The following SI variants were observed in gnomAD, a reference collection of about 807,000 sequenced individuals.
SI encodes the protein sucrase-isomaltase, also known as sucrase-isomaltase, intestinal.
SI carries 235 observed loss-of-function variants against 253.3 expected under a neutral mutation model. The observed-to-expected ratio is 0.93, with a 90% CI of 0.83 to 1.03. The LOEUF (loss-of-function observed/expected upper bound fraction) is 1.03, where lower values mean the gene tolerates loss of function less well. Among genes scored for constraint, SI ranks in the 50% least tolerant of loss-of-function variants. The pLI, the probability that SI is intolerant of heterozygous loss-of-function variation, is 0.00. For synonymous variants in SI, 819 were observed against 712.0 expected, an observed-to-expected ratio of 1.15 and a Z score of -2.39; for missense variants, 2,442 against 2,211.1, an observed-to-expected ratio of 1.10 and a Z score of -2.09.
intron 17 of SI, among the ~76,000 whole-genome samples, chr3:165,041,480 G>T (rs115056076): frequency 0.01 from 1,593 of 152,024 alleles, 27 homozygotes; most frequent in African/African-American, 0.036. Flanking sequence ...TCGATGTGGC[G>T]CTCAGTCATG....
At chr3:165,076,502 T>A (rs914262205) in intron 1 of SI, among the ~76,000 whole-genome samples, 3 of 151,756 alleles carry the variant, frequency 2.0e-5, no homozygotes, top group Non-Finnish European at 2.9e-5. Flanking sequence ...AACTTCAGTT[T>A]TTTTCTTGAA....
chr3:165,042,618 T>A (rs1712898107), intron 17 of SI, among the ~76,000 whole-genome samples: 1 of 152,126 alleles, frequency 6.6e-6, no homozygotes, highest in Admixed American at 6.6e-5. Flanking sequence ...GGACTCTAAT[T>A]GTTTTGTGAC....
chr3:165,026,908 A>G (rs1383402258), intron 25 of SI, among the ~76,000 whole-genome samples: 1 of 151,502 alleles, frequency 6.6e-6, no homozygotes, highest in Non-Finnish European at 1.5e-5. Context: ...TCACACTTCA[A>G]GGAACTAGAG....
chr3:165,050,107 G>A (rs533924810), intron 13 of SI, among the ~76,000 whole-genome samples: 50 of 152,138 alleles, frequency 3.3e-4, no homozygotes, highest in African/African-American at 1.1e-3. Context: ...CATGTGTCTA[G>A]TTTTGATTAT....
At chr3:164,996,325 A>G (rs1169429431) in intron 40 of SI, among the ~76,000 whole-genome samples, 1 of 151,692 alleles carries the variant, frequency 6.6e-6, no homozygotes, top group Non-Finnish European at 1.5e-5. Flanking sequence ...GCTTATTTAG[A>G]TATTGGCTCT....
At chr3:165,025,457 C>T (rs959856059) in intron 25 of SI, among the ~76,000 whole-genome samples, 2 of 151,084 alleles carry the variant, frequency 1.3e-5, no homozygotes, top group Non-Finnish European at 3.0e-5. Flanking sequence ...CTTCCCTGGC[C>T]TTGCTAGAGA....
rs190545285 is a variant in SI at position 164,982,798 on chromosome 3, C to G, written c.5247+204G>C. 2.6e-5 allele frequency among the ~76,000 whole-genome samples: 4 copies of G among 152,142 alleles called. 1 individual carries two copies. Among genetic ancestry groups the G allele is most frequent in the African/African-American group, 7.2e-5 (3 of 41,526 alleles). On this transcript the variant is annotated intron_variant, in intron 46 of 47. Transcript: ENST00000264382. Reference sequence around the variant, plus strand: ...TCAGCCTCCTATGCAGCTGGGACTACAGTTGCATGCCACCATAACTGGCTA... The same window carrying G: ...TCAGCCTCCTATGCAGCTGGGACTAGAGTTGCATGCCACCATAACTGGCTA...
the SI span, among the ~76,000 whole-genome samples, chr3:165,086,988 G>A: frequency 6.6e-6 from 1 of 152,104 alleles, no homozygotes; most frequent in Non-Finnish European, 1.5e-5. Flanking sequence ...ATATATGACT[G>A]CTACTGCAAG....
intron 37 of SI, among the ~76,000 whole-genome samples, chr3:165,000,323 T>C (rs569265181): frequency 1.3e-5 from 2 of 150,918 alleles, no homozygotes; most frequent in Non-Finnish European, 3.0e-5. Flanking sequence ...GGATTCTACA[T>C]AAAGTAGTTT....
At chr3:165,042,917 C>G in intron 17 of SI, 142 bp downstream of exon 17, 1 of 684,908 alleles carries the variant, frequency 1.5e-6, no homozygotes, top group Non-Finnish European at 2.6e-6. Flanking sequence ...ATGTATAGGA[C>G]TTGAGAGAGG....
At chr3:165,022,646 G>A (rs758238616) in intron 26 of SI, among the ~76,000 whole-genome samples, 5 of 149,442 alleles carry the variant, frequency 3.3e-5, no homozygotes, top group South Asian at 2.1e-4. Flanking sequence ...CTTTTGTGCC[G>A]TCTCGTTTCA....
chr3:165,019,856 T>C (rs1719224289), intron 27 of SI, 86 bp from the exon 28 acceptor site: 1 of 1,189,726 alleles, frequency 8.4e-7, no homozygotes, highest in Admixed American at 1.8e-5. Flanking sequence ...TTTCTTAGAT[T>C]ATCTAAAAAT....
intron 7 of SI, 31 bp from the exon 8 acceptor site, chr3:165,063,572 T>G: frequency 1.0e-6 from 1 of 955,660 alleles, no homozygotes; most frequent in Non-Finnish European, 1.7e-6. Flanking sequence ...AATACGATTT[T>G]CAAATATGTT....
Position 164,979,181 on chromosome 3 carries a change from A to G in SI, c.*181T>C. On this transcript the variant is annotated 3_prime_UTR_variant, in exon 48 of 48. Coordinates refer to ENST00000264382, the MANE Select transcript of SI (RefSeq NM_001041.4). ...TAAATATGCCTTAAAATTGAATCCA[A>G]GTCACATTACTATAATAAAATTAGC... 1.7e-6 allele frequency: 1 copy of G among 578,584 alleles called. No individual in the cohort carries two copies. The highest frequency in any genetic ancestry group is 3.1e-6 in the Non-Finnish European group (1 of 322,052). The allele number at this position is 578,584 out of a possible 1,614,324, so 35.8% of individuals were successfully genotyped here. A position where few individuals can be genotyped will look rare whatever the true frequency, so the allele number is the denominator to read the frequency against.
Position 165,023,690 on chromosome 3 carries a change from C to G in SI, c.2979G>C (p.Met993Ile). 1 of 1,610,670 alleles carries G rather than the reference C, an allele frequency of 6.2e-7. No individual in the cohort carries two copies. Among genetic ancestry groups the G allele is most frequent in the East Asian group, 2.2e-5 (1 of 44,666 alleles). Reference sequence around the variant, plus strand: ...TTAGTTGGAGGTCAGCTGTTATACCCATGGATGAATAGCGAGCTGAGTTGA... The same window carrying G: ...TTAGTTGGAGGTCAGCTGTTATACCGATGGATGAATAGCGAGCTGAGTTGA... The part of the protein sequence containing the change: ...YSVNSARYSS[M>I]GITADLQLNT... The change falls in exon 26 of 48, where the codon ATG (methionine) becomes ATC (isoleucine). Residue 993 changes from methionine (M) to isoleucine (I), a missense_variant. By Grantham distance (10) the Met-to-Ile change is conservative. Coordinates refer to ENST00000264382, the MANE Select transcript of SI (RefSeq NM_001041.4).
At chr3:165,003,456 A>T (rs1718351428) in intron 37 of SI, among the ~76,000 whole-genome samples, 1 of 152,068 alleles carries the variant, frequency 6.6e-6, no homozygotes, top group Non-Finnish European at 1.5e-5. Flanking sequence ...GTTCAATGCC[A>T]GTTTATTCAC....
chr3:165,081,167 A>G (rs1208567812), upstream of SI, among the ~76,000 whole-genome samples: 2 of 152,108 alleles, frequency 1.3e-5, no homozygotes, highest in African/African-American at 2.4e-5. Context: ...GAAGTTATGT[A>G]CAGTAATTAA....
Position 165,033,398 on chromosome 3 carries a change from A to C in SI, c.2562T>G (p.Ser854=), listed in dbSNP as rs769960624. 2.6e-6 allele frequency: 4 copies of C among 1,560,128 alleles called. No homozygotes were observed. In the African/African-American group the frequency reaches 5.5e-5, roughly 21 times the overall value. ...TATGTACAAAGAGAGTGCTTACATT[A>C]GAAACTGAAAATGTATATAATATGT... is the stretch of plus-strand genomic sequence containing the variant. ...GNYILYTFSV[S]NNTLDIVCTH... The change falls in exon 23 of 48, where the codon TCT becomes TCG. Residue 854 remains serine, a synonymous_variant. Coordinates refer to ENST00000264382, the MANE Select transcript of SI (RefSeq NM_001041.4).
intron 17 of SI, among the ~76,000 whole-genome samples, chr3:165,042,546 T>A (rs1469021677): frequency 6.6e-6 from 1 of 152,120 alleles, no homozygotes; most frequent in Non-Finnish European, 1.5e-5. Context: ...CAAAACCGTG[T>A]TTTAAAAGTG....
Sources: gnomAD v4.1 joint callset for allele counts (sites outside exome capture counted in the v4.1 genomes callset) on GRCh38, gnomAD v4.1.1 for gene constraint, MANE v1.5 for transcripts, NCBI Gene and HGNC (gene_info 2026-07-23, HGNC 2026-07-21) for gene names.